PAX5: variants seen among roughly 807,000 people sequenced by gnomAD.
PAX5 encodes paired box 5.
In PAX5, 9 loss-of-function variants were observed where a neutral mutation model predicts 43.7. That is an observed-to-expected ratio of 0.21 (90% confidence interval 0.12 to 0.36). The LOEUF (loss-of-function observed/expected upper bound fraction) is 0.36. PAX5 is among the 10% of genes least tolerant of loss of function. The pLI is 1.00. For synonymous variants in PAX5, 228 were observed against 214.3 expected (o/e 1.06, Z -0.56); for missense variants, 383 against 532.7 (o/e 0.72, Z 2.77).
At chr9:37,026,413 G>C (rs1840379714) in intron 1 of PAX5, 2 of 911,622 alleles carry the variant, frequency 2.2e-6, no homozygotes, top group East Asian at 4.9e-5. Flanking sequence ...ACTTTGCAAA[G>C]TTAGCTGCGC....
chr9:36,921,476 G>A (rs957364083), intron 7 of PAX5, among the ~76,000 whole-genome samples: 2 of 152,140 alleles, frequency 1.3e-5, no homozygotes, highest in South Asian at 2.1e-4. Context: ...CCAGCAGCAC[G>A]GGCCCTGGCA....
At chr9:36,866,649 T>G (rs893538963) in intron 8 of PAX5, among the ~76,000 whole-genome samples, 2 of 152,112 alleles carry the variant, frequency 1.3e-5, no homozygotes, top group Admixed American at 1.3e-4. Flanking sequence ...CAAAATAGCT[T>G]CTTTTTTATT....
chr9:37,032,753 G>GC (rs1359657661), intron 1 of PAX5, among the ~76,000 whole-genome samples: 5 of 152,150 alleles, frequency 3.3e-5, no homozygotes, highest in Admixed American at 2.6e-4. Flanking sequence ...AGTGAAAGAG[G>GC]CCCCCCATAC....
chr9:36,962,447 G>T (rs1834052595), intron 6 of PAX5, among the ~76,000 whole-genome samples: 1 of 152,176 alleles, frequency 6.6e-6, no homozygotes, highest in Non-Finnish European at 1.5e-5. Context: ...ATACAATGGG[G>T]CTCCCGAATC....
chr9:36,998,608 A>G (rs1837596970), intron 5 of PAX5, among the ~76,000 whole-genome samples: 1 of 152,236 alleles, frequency 6.6e-6, no homozygotes, highest in Non-Finnish European at 1.5e-5. Context: ...TGCACTTGAA[A>G]TGTGGCCAGT....
At chr9:36,901,243 A>C (rs1349610478) in intron 7 of PAX5, among the ~76,000 whole-genome samples, 1 of 151,882 alleles carries the variant, frequency 6.6e-6, no homozygotes, top group Non-Finnish European at 1.5e-5. Context: ...CCTCATCTCC[A>C]GCTGCTTTCT....
intron 6 of PAX5, among the ~76,000 whole-genome samples, chr9:36,931,668 G>T (rs562007195): frequency 1.3e-5 from 2 of 152,034 alleles, no homozygotes; most frequent in African/African-American, 4.8e-5. Flanking sequence ...GGCCAACACG[G>T]TGAAACCCCA....
Position 37,034,212 on chromosome 9 carries a change from T to C in PAX5, c.-181A>G, listed in dbSNP as rs1306919376. Reference sequence around the variant, plus strand: ...GGGTAGCTGATCACTGAGCTGAAACTAAACGTTTTAGGTGGAAAAAAAGCG... The same window carrying C: ...GGGTAGCTGATCACTGAGCTGAAACCAAACGTTTTAGGTGGAAAAAAAGCG... On this transcript the variant is annotated 5_prime_UTR_variant, in exon 1 of 10. Transcript: ENST00000358127. 4 of 565,620 alleles carry C rather than the reference T, an allele frequency of 7.1e-6. No homozygotes were observed. The East Asian group carries it at 9.1e-5, about 13-fold the overall frequency. The allele number at this position is 565,620 out of a possible 1,614,324, so 35.0% of individuals were successfully genotyped here.
Position 36,835,901 on chromosome 9 carries a change from C to G in PAX5, c.*4659G>C, listed in dbSNP as rs77189997. On this transcript the variant is annotated 3_prime_UTR_variant, in exon 10 of 10. Transcript: ENST00000358127. Reference sequence around the variant, plus strand: ...GGGCAGGAGTTGGTTTCCACCCTCCCGGGAAGCTGTATCTTAGACTCCCCT... The same window carrying G: ...GGGCAGGAGTTGGTTTCCACCCTCCGGGGAAGCTGTATCTTAGACTCCCCT... 9.4e-5 allele frequency: 22 copies of G among 233,512 alleles called. No individual in the cohort carries two copies. The highest frequency in any genetic ancestry group is 2.5e-3 in the Middle Eastern group (2 of 786). 14.5% of individuals were successfully genotyped at this position (233,512 alleles called of 1,614,324 possible). A position where few individuals can be genotyped will look rare whatever the true frequency, so the allele number is the denominator to read the frequency against.
In PAX5 at chr9:37,034,088, CTTTTTTTTTCTTT is replaced by C. The variant is rs1841291106; in HGVS notation, c.-70_-58del. 2.5e-5 allele frequency: 11 copies of C among 448,726 alleles called. No individual in the cohort carries two copies. The South Asian group carries it at 2.8e-4, about 11-fold the overall frequency. 27.8% of individuals were successfully genotyped at this position (448,726 alleles called of 1,614,324 possible). A position where few individuals can be genotyped will look rare whatever the true frequency, so the allele number is the denominator to read the frequency against. Reference sequence around the variant, plus strand: ...GGGAAAAGTTTCCACTTTTTTGTGCCTTTTTTTTTCTTTTTTTTTTTTTTTTTTTTTTTTTTTT... The same window carrying C: ...GGGAAAAGTTTCCACTTTTTTGTGCCTTTTTTTTTTTTTTTTTTTTTTTTT... On this transcript the variant is annotated 5_prime_UTR_variant, in exon 1 of 10. Coordinates refer to ENST00000358127, the MANE Select transcript of PAX5 (RefSeq NM_016734.3).
At chr9:37,001,642 G>C (rs1002414669) in intron 5 of PAX5, among the ~76,000 whole-genome samples, 2 of 152,116 alleles carry the variant, frequency 1.3e-5, no homozygotes, top group African/African-American at 4.8e-5. Flanking sequence ...GCCAATCCAC[G>C]GCTGGGCCGA....
chr9:36,897,066 G>A (rs1200162170), intron 7 of PAX5, among the ~76,000 whole-genome samples: 1 of 152,218 alleles, frequency 6.6e-6, no homozygotes, highest in Non-Finnish European at 1.5e-5. Context: ...CCTAGAAGGA[G>A]ATTCGGGCTG....
chr9:36,944,532 T>C (rs1267607047), intron 6 of PAX5, among the ~76,000 whole-genome samples: 1 of 151,988 alleles, frequency 6.6e-6, no homozygotes, highest in East Asian at 1.9e-4. Context: ...CATGAGGCCC[T>C]CCCCACTGCC....
chr9:36,889,392 C>T (rs1425071718), intron 7 of PAX5, among the ~76,000 whole-genome samples: 1 of 152,234 alleles, frequency 6.6e-6, no homozygotes, highest in Non-Finnish European at 1.5e-5. Context: ...AGACAAGGCT[C>T]TACACTAAGC....
intron 7 of PAX5, among the ~76,000 whole-genome samples, chr9:36,900,532 ATTCTGTT>A (rs2131854802): frequency 6.6e-6 from 1 of 152,298 alleles, no homozygotes; most frequent in East Asian, 1.9e-4. Context: ...GCCAGAGAGA[ATTCTGTT>A]GTTTACAGTG....
intron 8 of PAX5, among the ~76,000 whole-genome samples, chr9:36,860,468 C>A (rs73648143): frequency 6.6e-6 from 1 of 152,058 alleles, no homozygotes; most frequent in African/African-American, 2.4e-5. Context: ...TCCAAGGTGA[C>A]GCCAATGTAC....
intron 7 of PAX5, among the ~76,000 whole-genome samples, chr9:36,904,074 A>C (rs1480528660): frequency 1.3e-5 from 2 of 152,238 alleles, no homozygotes; most frequent in Non-Finnish European, 2.9e-5. Context: ...CAGTGAAATG[A>C]GGATGAGAAG....
chr9:36,951,114 A>G (rs570996354), intron 6 of PAX5, among the ~76,000 whole-genome samples: 1 of 152,314 alleles, frequency 6.6e-6, no homozygotes, highest in Non-Finnish European at 1.5e-5. Flanking sequence ...GTAGGGAAGT[A>G]GGGTGGTAGG....
At chr9:36,982,633 G>A (rs1329733991) in intron 5 of PAX5, among the ~76,000 whole-genome samples, 1 of 152,226 alleles carries the variant, frequency 6.6e-6, no homozygotes, top group Non-Finnish European at 1.5e-5. Flanking sequence ...TTGGGGGCAT[G>A]AAGGAAGAGG....
Sources: allele counts gnomAD v4.1 joint callset (sites outside exome capture counted in the v4.1 genomes callset), GRCh38; gene constraint gnomAD v4.1.1; transcripts MANE v1.5; gene names NCBI Gene and HGNC (gene_info 2026-07-23, HGNC 2026-07-21).